The following ADAT2 variants were observed in gnomAD, a reference collection of about 807,000 sequenced individuals.
ADAT2 encodes adenosine deaminase tRNA specific 2, also known as tRNA-specific adenosine-34 deaminase catalytic subunit ADAT2.
Under a neutral mutation model 25.9 loss-of-function variants are expected in ADAT2, and 26 were observed. The observed-to-expected ratio is 1.00, with a 90% CI of 0.74 to 1.39. The LOEUF (loss-of-function observed/expected upper bound fraction) is 1.39. Among genes scored for constraint, ADAT2 ranks in the 40% most tolerant of loss-of-function variants. The pLI is 0.00. For missense variants in ADAT2, 220 were observed against 244.8 expected (o/e 0.90, Z 0.68); for synonymous variants, 76 against 86.8 (o/e 0.88, Z 0.69).
At position 143,446,148 on chromosome 6, in the gene ADAT2, G is replaced by A. The variant is rs1272089817; in HGVS notation, c.96+4415C>T. Among the ~76,000 whole-genome samples the A allele has an allele frequency of 6.6e-6, 1 of 150,978 alleles. No homozygotes were observed. Among genetic ancestry groups the A allele is most frequent in the Non-Finnish European group, 1.5e-5 (1 of 67,842 alleles). ...ATCCCTGTTATTCTGAAGCAACGGG[G>A]GTTTTTTCTGTTTTTTCCTATGCCC... On this transcript the variant is annotated intron_variant, in intron 1 of 5. Transcript: ENST00000237283. This position sits in a 1 kb window ranked among gnomAD's most constrained non-coding sequence, Gnocchi z 5.0.
rs78047027 is a variant in ADAT2, at chr6:143,437,374, T to A, written c.201+1216A>T. 4.1e-4 allele frequency among the ~76,000 whole-genome samples: 63 copies of A among 152,354 alleles called. No homozygotes were observed. Among genetic ancestry groups the A allele is most frequent in the East Asian group, 3.1e-3 (16 of 5,190 alleles). On this transcript the variant is annotated intron_variant, in intron 2 of 5. Coordinates refer to ENST00000237283, the MANE Select transcript of ADAT2 (RefSeq NM_182503.3). This position sits in a 1 kb window ranked among gnomAD's most constrained non-coding sequence, Gnocchi z 4.1. ...TTTCTTCTGTTAAAGTTAAGTTAGA[T>A]CATCTTCATGTAGCCTTATTGGTTG...
intron 4 of ADAT2, among the ~76,000 whole-genome samples, chr6:143,431,842 G>A (rs1353234127): frequency 6.6e-6 from 1 of 152,126 alleles, no homozygotes; most frequent in Non-Finnish European, 1.5e-5. Flanking sequence ...ATTAATGAAA[G>A]TAGGGGTATA....
chr6:143,430,804 A>G (rs892067325), intron 4 of ADAT2, among the ~76,000 whole-genome samples: 2 of 152,162 alleles, frequency 1.3e-5, no homozygotes, highest in African/African-American at 4.8e-5. Flanking sequence ...TGACCTCATG[A>G]TCTGCCCGCC....
chr6:143,440,156 G>A lies in ADAT2; in HGVS notation c.97-1462C>T, dbSNP rs1779415764. On this transcript the variant is annotated intron_variant, in intron 1 of 5. Transcript: ENST00000237283. This position sits in a 1 kb window ranked among gnomAD's most constrained non-coding sequence, Gnocchi z 4.5. ...TCAATGCAGTCAAAAGAATATAACT[G>A]CTGTACAGCTGTTTCCAGAAAGGCA... 6.6e-6 allele frequency among the ~76,000 whole-genome samples: 1 copy of A among 152,156 alleles called. No homozygotes were observed. Among genetic ancestry groups the A allele is most frequent in the South Asian group, 2.1e-4 (1 of 4,830 alleles).
chr6:143,441,266 C>A lies in ADAT2; in HGVS notation c.97-2572G>T, dbSNP rs79928767. Reference sequence around the variant, plus strand: ...ACATGCTAAAATAGGAAAAAACTTACAAACCACATCTCTGGCAACACTCTA... The same window carrying A: ...ACATGCTAAAATAGGAAAAAACTTAAAAACCACATCTCTGGCAACACTCTA... On this transcript the variant is annotated intron_variant, in intron 1 of 5. Coordinates refer to ENST00000237283, the MANE Select transcript of ADAT2 (RefSeq NM_182503.3). Among the ~76,000 whole-genome samples, 1,473 of 152,292 alleles carry A rather than the reference C, an allele frequency of 9.7e-3. 21 individuals are homozygous for A. Among genetic ancestry groups the A allele is most frequent in the African/African-American group, 0.033 (1,386 of 41,552 alleles).
At position 143,446,987 on chromosome 6, in the gene ADAT2, G is replaced by A. The variant is rs1354409553; in HGVS notation, c.96+3576C>T. ...TAGAATGTTATGCTGAACATGTTAT[G>A]ATGATTAAAATGATAACCTATGATG... On this transcript the variant is annotated intron_variant, in intron 1 of 5. Transcript: ENST00000237283. The surrounding 1 kb of genome is among the most constrained non-coding windows in gnomAD (Gnocchi z 5.0). Among the ~76,000 whole-genome samples, 3 of 152,162 alleles carry A rather than the reference G, an allele frequency of 2.0e-5. No individual in the cohort carries two copies. Among genetic ancestry groups the A allele is most frequent in the African/African-American group, 7.2e-5 (3 of 41,414 alleles).
At chr6:143,429,178 G>A (rs541160863) in intron 4 of ADAT2, among the ~76,000 whole-genome samples, 2 of 152,224 alleles carry the variant, frequency 1.3e-5, no homozygotes, top group Admixed American at 1.3e-4. Flanking sequence ...ATTATACTTG[G>A]TGGACCAAAT....
rs567360290 is a variant in ADAT2 at position 143,437,510 on chromosome 6, A to G, written c.201+1080T>C. Among the ~76,000 whole-genome samples the G allele has an allele frequency of 6.6e-6, 1 of 152,284 alleles. No individual in the cohort carries two copies. The highest frequency in any genetic ancestry group is 2.1e-4 in the South Asian group (1 of 4,820). Reference sequence around the variant, plus strand: ...GATTAAGGATGTGAACATTTTGTCAAGCATTGCAAATGAAATACCATGTTT... The same window carrying G: ...GATTAAGGATGTGAACATTTTGTCAGGCATTGCAAATGAAATACCATGTTT... On this transcript the variant is annotated intron_variant, in intron 2 of 5. Coordinates refer to ENST00000237283, the MANE Select transcript of ADAT2 (RefSeq NM_182503.3). This position sits in a 1 kb window ranked among gnomAD's most constrained non-coding sequence, Gnocchi z 4.1.
intron 1 of ADAT2, among the ~76,000 whole-genome samples, chr6:143,450,148 G>A (rs1016428076): frequency 1.3e-5 from 2 of 152,122 alleles, no homozygotes; most frequent in Admixed American, 6.5e-5. Flanking sequence ...CGATTGTACA[G>A]GGACTTGTTT....
In ADAT2 at chr6:143,442,408, T is replaced by C. The variant is rs993910524; in HGVS notation, c.97-3714A>G. On this transcript the variant is annotated intron_variant, in intron 1 of 5. Coordinates refer to ENST00000237283, the MANE Select transcript of ADAT2 (RefSeq NM_182503.3). This position sits in a 1 kb window ranked among gnomAD's most constrained non-coding sequence, Gnocchi z 4.6. ...ATAAAGAGGTAGCACAAGGGAGCCA[T>C]GTGGTAGTGAAACAGTTCCAGTGGT... Among the ~76,000 whole-genome samples, 1 of 151,802 alleles carries C rather than the reference T, an allele frequency of 6.6e-6. No individual in the cohort carries two copies. The highest frequency in any genetic ancestry group is 1.5e-5 in the Non-Finnish European group (1 of 68,000).
chr6:143,443,661 T>C (rs903685736), intron 1 of ADAT2, among the ~76,000 whole-genome samples: 1 of 151,824 alleles, frequency 6.6e-6, no homozygotes, highest in African/African-American at 2.4e-5. Flanking sequence ...TGAAACCCCA[T>C]CTCTACTAAA....
At position 143,422,919 on chromosome 6, in the gene ADAT2, C is replaced by T. The variant is rs552639774; in HGVS notation, c.*5544G>A. The T allele has an allele frequency of 2.0e-5, 3 of 152,232 alleles. No individual in the cohort carries two copies. The highest frequency in any genetic ancestry group is 1.9e-4 in the East Asian group (1 of 5,186). 9.4% of individuals were successfully genotyped at this position (152,232 alleles called of 1,614,324 possible). On this transcript the variant is annotated 3_prime_UTR_variant, in exon 6 of 6. Coordinates refer to ENST00000237283, the MANE Select transcript of ADAT2 (RefSeq NM_182503.3). This position sits in a 1 kb window ranked among gnomAD's most constrained non-coding sequence, Gnocchi z 4.3. ...CCTTGCCACTCTCTTAAAATGTATA[C>T]AAGGAAATAAAACATTCTAAGCCAG...
rs991395497 is a variant in ADAT2 at position 143,427,711 on chromosome 6, C to A, written c.*752G>T. The A allele has an allele frequency of 6.6e-6, 1 of 152,164 alleles. No individual in the cohort carries two copies. Among genetic ancestry groups the A allele is most frequent in the African/African-American group, 2.4e-5 (1 of 41,432 alleles). 9.4% of individuals were successfully genotyped at this position (152,164 alleles called of 1,614,324 possible). On this transcript the variant is annotated 3_prime_UTR_variant, in exon 6 of 6. Coordinates refer to ENST00000237283, the MANE Select transcript of ADAT2 (RefSeq NM_182503.3). Reference sequence around the variant, plus strand: ...AAACTGTGTAATCTATCATATCCATCTCCCCTTGCTAGAATATAAGCTCCA... The same window carrying A: ...AAACTGTGTAATCTATCATATCCATATCCCCTTGCTAGAATATAAGCTCCA...
At position 143,444,713 on chromosome 6, in the gene ADAT2, A is replaced by C. The variant is rs1245045297; in HGVS notation, c.96+5850T>G. The C allele has an allele frequency of 5.9e-6, 1 of 170,402 alleles. No individual in the cohort carries two copies. Among genetic ancestry groups the C allele is most frequent in the African/African-American group, 2.4e-5 (1 of 41,766 alleles). The allele number at this position is 170,402 out of a possible 1,614,324, so 10.6% of individuals were successfully genotyped here. On this transcript the variant is annotated intron_variant, in intron 1 of 5. Transcript: ENST00000237283. This position sits in a 1 kb window ranked among gnomAD's most constrained non-coding sequence, Gnocchi z 4.3. ...AATGATCAACCTTCAAAATTAAAGA[A>C]TAAAATCTCTGTTCTTCCCAGCCCA... is the stretch of plus-strand genomic sequence containing the variant.
At position 143,444,106 on chromosome 6, in the gene ADAT2, T is replaced by TTTGGA. The variant is rs1482800419; in HGVS notation, c.97-5417_97-5413dup. 6.6e-6 allele frequency among the ~76,000 whole-genome samples: 1 copy of TTTGGA among 152,176 alleles called. No homozygotes were observed. Among genetic ancestry groups the TTTGGA allele is most frequent in the Non-Finnish European group, 1.5e-5 (1 of 68,030 alleles). Reference sequence around the variant, plus strand: ...TGGGTTTGTGCCTTCCATTCCTTCCTTTGGATTTTTCTCTTTTTCCGTCTA... The same window carrying TTTGGA: ...TGGGTTTGTGCCTTCCATTCCTTCCTTTGGATTGGATTTTTCTCTTTTTCCGTCTA... On this transcript the variant is annotated intron_variant, in intron 1 of 5. Transcript: ENST00000237283. This position sits in a 1 kb window ranked among gnomAD's most constrained non-coding sequence, Gnocchi z 4.3.
intron 2 of ADAT2, among the ~76,000 whole-genome samples, chr6:143,435,929 A>T (rs1779260692): frequency 6.6e-6 from 1 of 152,174 alleles, no homozygotes; most frequent in Non-Finnish European, 1.5e-5. Context: ...CGGCTAATTT[A>T]AAAATGTTAA....
chr6:143,443,388 C>T (rs1481453258), intron 1 of ADAT2, among the ~76,000 whole-genome samples: 6 of 151,844 alleles, frequency 4.0e-5, no homozygotes, highest in African/African-American at 1.5e-4. Context: ...AATCAAGGGA[C>T]CAAATGAGAG....
chr6:143,435,157 T>TTA (rs59627912), intron 2 of ADAT2, among the ~76,000 whole-genome samples: 36 of 122,064 alleles, frequency 2.9e-4, no homozygotes, highest in African/African-American at 7.3e-4. Flanking sequence ...GTGGAGAGTT[T>TTA]AAAAAAAAAA....
chr6:143,446,829 A>T lies in ADAT2; in HGVS notation c.96+3734T>A, dbSNP rs2097434651. On this transcript the variant is annotated intron_variant, in intron 1 of 5. Coordinates refer to ENST00000237283, the MANE Select transcript of ADAT2 (RefSeq NM_182503.3). This position sits in a 1 kb window ranked among gnomAD's most constrained non-coding sequence, Gnocchi z 5.0. ...ATCTGAAAATGAGGACCATAATAAT[A>T]CTCACCTGATAGGGCTTCTGTGGGG... 6.6e-6 allele frequency among the ~76,000 whole-genome samples: 1 copy of T among 152,032 alleles called. No homozygotes were observed. Among genetic ancestry groups the T allele is most frequent in the Non-Finnish European group, 1.5e-5 (1 of 67,998 alleles).
Sources: allele counts gnomAD v4.1 joint callset (sites outside exome capture counted in the v4.1 genomes callset), GRCh38; gene constraint gnomAD v4.1.1; non-coding constraint Gnocchi (gnomAD v3.1); transcripts MANE v1.5; gene names NCBI Gene and HGNC (gene_info 2026-07-23, HGNC 2026-07-21).